The following RAP1GAP2 variants were observed in gnomAD, a reference collection of about 807,000 sequenced individuals.
RAP1GAP2 encodes RAP1 GTPase activating protein 2, also known as rap1 GTPase-activating protein 2.
In RAP1GAP2, 27 loss-of-function variants were observed where a neutral mutation model predicts 95.0. That is an observed-to-expected ratio of 0.28 (90% CI 0.21 to 0.39). The LOEUF (loss-of-function observed/expected upper bound fraction) is 0.39. Among genes scored for constraint, RAP1GAP2 ranks in the 10% least tolerant of loss-of-function variants. The probability of loss-of-function intolerance (pLI) is 1.00; values close to 1 mark genes in which losing one functional copy is unlikely to be tolerated. For missense variants in RAP1GAP2, 771 were observed against 970.0 expected, an observed-to-expected ratio of 0.79 and a Z score of 2.72; for synonymous variants, 373 against 380.9, an observed-to-expected ratio of 0.98 and a Z score of 0.24.
At chr17:2,970,135 G>A (rs570976477) in intron 8 of RAP1GAP2, among the ~76,000 whole-genome samples, 3 of 151,688 alleles carry the variant, frequency 2.0e-5, no homozygotes, top group Non-Finnish European at 4.4e-5. Flanking sequence ...TTAGCCGGGC[G>A]TGGTGACATG....
intron 3 of RAP1GAP2, among the ~76,000 whole-genome samples, chr17:2,944,091 A>G (rs6502638): frequency 0.28 from 42,142 of 148,180 alleles, 7,752 homozygotes; most frequent in African/African-American, 0.52. Flanking sequence ...AGAGGTTGCT[A>G]TGAGCCGAGA....
chr17:2,826,728 C>A (rs2070582434), intron 2 of RAP1GAP2, among the ~76,000 whole-genome samples: 1 of 152,148 alleles, frequency 6.6e-6, no homozygotes, highest in Non-Finnish European at 1.5e-5. Flanking sequence ...GGATTTCCGG[C>A]CGGGCGCGGT....
Position 2,857,186 on chromosome 17 carries a change from C to A in RAP1GAP2, c.81-48098C>A, listed in dbSNP as rs1321616799. Among the ~76,000 whole-genome samples, 3 of 152,212 alleles carry A rather than the reference C, an allele frequency of 2.0e-5. No individual in the cohort carries two copies. Among genetic ancestry groups the A allele is most frequent in the African/African-American group, 7.2e-5 (3 of 41,446 alleles). ...AGGCTTGATCCATCCATCGATCTTC[C>A]CAGCACCTGTAATTGACAGGCTTGT... is the stretch of plus-strand genomic sequence containing the variant. On this transcript the variant is annotated intron_variant, in intron 2 of 24. Coordinates refer to ENST00000254695, the MANE Select transcript of RAP1GAP2 (RefSeq NM_015085.5). This position sits in a 1 kb window ranked among gnomAD's most constrained non-coding sequence, Gnocchi z 4.0.
intron 3 of RAP1GAP2, among the ~76,000 whole-genome samples, chr17:2,942,868 A>G (rs1032778701): frequency 8.6e-5 from 13 of 152,016 alleles, no homozygotes; most frequent in African/African-American, 3.1e-4. Context: ...CCTGAGTTCA[A>G]ACGATTCTCC....
intron 2 of RAP1GAP2, among the ~76,000 whole-genome samples, chr17:2,852,125 A>G (rs890301712): frequency 1.3e-5 from 2 of 152,164 alleles, no homozygotes; most frequent in African/African-American, 2.4e-5. Context: ...TCTGGGTTGC[A>G]TGCTGCTGGG....
rs1381346384 is a variant in RAP1GAP2, at chr17:2,831,898, A to AAAC, written c.80+31362_80+31364dup. ...TGACAGAGTGAGACCCTGTCTCAAA[A>AAAC]AACAACAACAACAACACAAAAAACA... is the stretch of plus-strand genomic sequence containing the variant. On this transcript the variant is annotated intron_variant, in intron 2 of 24. Transcript: ENST00000254695. Among the ~76,000 whole-genome samples the AAAC allele has an allele frequency of 2.6e-5, 4 of 151,870 alleles. No individual in the cohort carries two copies. In the East Asian group the frequency reaches 5.8e-4, roughly 22 times the overall value.
At chr17:2,881,676 T>G (rs2073297036) in intron 2 of RAP1GAP2, among the ~76,000 whole-genome samples, 1 of 152,238 alleles carries the variant, frequency 6.6e-6, no homozygotes, top group African/African-American at 2.4e-5. Context: ...GGTAATTGTT[T>G]GTGTAACTTT....
chr17:2,846,218 A>T (rs2071583709), intron 2 of RAP1GAP2, among the ~76,000 whole-genome samples: 1 of 151,730 alleles, frequency 6.6e-6, no homozygotes, highest in African/African-American at 2.4e-5. Flanking sequence ...CATCAATGGA[A>T]TCCCGTTGAA....
intron 2 of RAP1GAP2, among the ~76,000 whole-genome samples, chr17:2,823,579 T>C (rs1264376358): frequency 6.6e-6 from 1 of 152,176 alleles, no homozygotes; most frequent in Non-Finnish European, 1.5e-5. Flanking sequence ...ACGTGGGCTC[T>C]CTGGGCCCTC....
chr17:2,887,008 G>A (rs935794625), intron 2 of RAP1GAP2, among the ~76,000 whole-genome samples: 8 of 152,088 alleles, frequency 5.3e-5, no homozygotes, highest in Non-Finnish European at 2.9e-5. Flanking sequence ...ATGAAATAAC[G>A]TACATAAAGA....
chr17:3,024,424 A>G (rs764224973), intron 19 of RAP1GAP2, among the ~76,000 whole-genome samples: 7 of 152,228 alleles, frequency 4.6e-5, no homozygotes, highest in Non-Finnish European at 7.3e-5. Flanking sequence ...GAGAAATGGA[A>G]ACCCTTGTTC....
intron 2 of RAP1GAP2, among the ~76,000 whole-genome samples, chr17:2,864,959 A>T (rs111754583): frequency 2.0e-5 from 3 of 152,330 alleles, no homozygotes; most frequent in African/African-American, 7.2e-5. Context: ...CCTGCCTGGT[A>T]CTTATGCTTC....
intron 2 of RAP1GAP2, among the ~76,000 whole-genome samples, chr17:2,840,416 G>A (rs966105649): frequency 3.9e-5 from 6 of 152,150 alleles, no homozygotes; most frequent in African/African-American, 1.4e-4. Context: ...GCCCACCTTG[G>A]CCTCCCAAAG....
At chr17:2,868,413 T>C (rs2072704797) in intron 2 of RAP1GAP2, among the ~76,000 whole-genome samples, 1 of 152,198 alleles carries the variant, frequency 6.6e-6, no homozygotes, top group Admixed American at 6.5e-5. Context: ...GTGTCGAAAC[T>C]GCGGCCCTTG....
At chr17:2,851,962 T>C (rs1474691384) in intron 2 of RAP1GAP2, among the ~76,000 whole-genome samples, 2 of 152,162 alleles carry the variant, frequency 1.3e-5, no homozygotes, top group East Asian at 1.9e-4. Flanking sequence ...TGCAGCCTTC[T>C]GTGTGTGGGT....
In RAP1GAP2 at chr17:3,006,020, G is replaced by A. The variant is rs745507052; in HGVS notation, c.1338G>A (p.Ser446=). 54 of 1,613,572 alleles carry A rather than the reference G, an allele frequency of 3.3e-5. No homozygotes were observed. The South Asian group carries it at 4.1e-4, about 12-fold the overall frequency. ...ATGCCGAGAACGCCTGCTGCAAGTCGGACAAGTTTGCAAAGCTGGAGGTGA... is the reference window on the plus strand; with the variant it reads ...ATGCCGAGAACGCCTGCTGCAAGTCAGACAAGTTTGCAAAGCTGGAGGTGA... ...LTNAENACCK[S]DKFAKLEDRT... is the part of the protein sequence containing the mutation. Residue 446 remains serine, a synonymous_variant, in exon 16 of 25, where the codon TCG becomes TCA. Coordinates refer to ENST00000254695, the MANE Select transcript of RAP1GAP2 (RefSeq NM_015085.5).
chr17:3,031,526 A>G (rs1168679156), intron 23 of RAP1GAP2, among the ~76,000 whole-genome samples: 3 of 143,026 alleles, frequency 2.1e-5, no homozygotes, highest in South Asian at 2.2e-4. Flanking sequence ...AGCTCGCCAG[A>G]CTATGGAGAA....
chr17:2,889,890 T>TATATA (rs1491260344), intron 2 of RAP1GAP2, among the ~76,000 whole-genome samples: 137 of 29,594 alleles, frequency 4.6e-3, no homozygotes, highest in African/African-American at 0.015. Context: ...TATATATATA[T>TATATA]TTTTTTTTTT....
chr17:2,811,871 G>A (rs1208012039), intron 2 of RAP1GAP2, among the ~76,000 whole-genome samples: 18 of 151,970 alleles, frequency 1.2e-4, no homozygotes, highest in Non-Finnish European at 8.8e-5. Context: ...GAGCCACTGC[G>A]CCTGGCCTGA....
Sources: allele counts gnomAD v4.1 joint callset (sites outside exome capture counted in the v4.1 genomes callset), GRCh38; gene constraint gnomAD v4.1.1; non-coding constraint Gnocchi (gnomAD v3.1); transcripts MANE v1.5; gene names NCBI Gene and HGNC (gene_info 2026-07-23, HGNC 2026-07-21).